Variants in PRKN observed in about 807,000 individuals in gnomAD.
PRKN encodes the protein parkin RBR E3 ubiquitin protein ligase, also known as E3 ubiquitin-protein ligase parkin.
PRKN carries 56 observed loss-of-function variants against 59.5 expected under a neutral mutation model. The observed-to-expected ratio is 0.94, with a 90% CI of 0.76 to 1.18. The LOEUF (loss-of-function observed/expected upper bound fraction) is 1.18. PRKN is among the 50% of genes most tolerant of loss of function. PRKN has a pLI of 0.00. For missense variants in PRKN, 657 were observed against 596.4 expected, an observed-to-expected ratio of 1.10 and a Z score of -1.06; for synonymous variants, 250 against 222.1, an observed-to-expected ratio of 1.13 and a Z score of -1.12.
At chr6:161,603,800 C>T (rs1008263223) in intron 7 of PRKN, among the ~76,000 whole-genome samples, 2 of 152,136 alleles carry the variant, frequency 1.3e-5, no homozygotes, top group Admixed American at 1.3e-4. Flanking sequence ...GCAAATTTGA[C>T]CTGGGTCTTT....
chr6:161,915,968 C>A (rs1778541271), intron 6 of PRKN, among the ~76,000 whole-genome samples: 1 of 151,926 alleles, frequency 6.6e-6, no homozygotes, highest in African/African-American at 2.4e-5. Flanking sequence ...TATGACTAAA[C>A]AACCATTGAT....
chr6:162,284,016 A>G (rs1035788406), intron 2 of PRKN, among the ~76,000 whole-genome samples: 2 of 152,240 alleles, frequency 1.3e-5, no homozygotes, highest in African/African-American at 2.4e-5. Flanking sequence ...ATTTAGCCAA[A>G]AGTAAATAAA....
At position 161,934,052 on chromosome 6, in the gene PRKN, A is replaced by G. The variant is rs774123915; in HGVS notation, c.734+39250T>C. 1.6e-4 allele frequency among the ~76,000 whole-genome samples: 25 copies of G among 152,208 alleles called. 2 individuals carry two copies. The highest frequency in any genetic ancestry group is 8.8e-5 in the Non-Finnish European group (6 of 68,034). On this transcript the variant is annotated intron_variant, in intron 6 of 11. Coordinates refer to ENST00000366898, the MANE Select transcript of PRKN (RefSeq NM_004562.3). ...TTGAATTGTAATCCCTGTAATCCCC[A>G]TAATCCCCAGGTAACGAGAGAGACC...
intron 6 of PRKN, among the ~76,000 whole-genome samples, chr6:161,828,836 G>A (rs1006793301): frequency 3.3e-5 from 5 of 151,880 alleles, no homozygotes; most frequent in South Asian, 2.1e-4. Flanking sequence ...ACGCTGAGGC[G>A]GGAGAATTGC....
At chr6:162,493,989 G>A (rs1399449662) in intron 1 of PRKN, among the ~76,000 whole-genome samples, 1 of 152,152 alleles carries the variant, frequency 6.6e-6, no homozygotes, top group Non-Finnish European at 1.5e-5. Context: ...TCGCATGATG[G>A]ATGATTACAT....
intron 2 of PRKN, among the ~76,000 whole-genome samples, chr6:162,333,577 C>G (rs775264578): frequency 7.7e-4 from 117 of 152,266 alleles, no homozygotes; most frequent in Non-Finnish European, 1.1e-3. Context: ...AAACAGCAAA[C>G]TTATAAATGT....
intron 6 of PRKN, among the ~76,000 whole-genome samples, chr6:161,830,399 C>G (rs1434493587): frequency 1.3e-5 from 2 of 152,010 alleles, no homozygotes; most frequent in Non-Finnish European, 2.9e-5. Flanking sequence ...CTACAGGTGC[C>G]CGCCACCATG....
At chr6:161,366,982 C>CTTTTTTT (rs57164972) in intron 10 of PRKN, among the ~76,000 whole-genome samples, 2 of 91,948 alleles carry the variant, frequency 2.2e-5, no homozygotes, top group African/African-American at 4.3e-5. Flanking sequence ...TTTTTGTTTC[C>CTTTTTTT]TTTTTTTTTT....
Position 161,409,932 on chromosome 6 carries a change from T to C in PRKN, c.1084-23055A>G, listed in dbSNP as rs997904208. ...CTTGCTTTTCAGGTGAGAAGCAGAATTGGAAAATATTTCAGGGAGTATTTG... is the reference window on the plus strand; with the variant it reads ...CTTGCTTTTCAGGTGAGAAGCAGAACTGGAAAATATTTCAGGGAGTATTTG... On this transcript the variant is annotated intron_variant, in intron 9 of 11. Transcript: ENST00000366898. This position sits in a 1 kb window ranked among gnomAD's most constrained non-coding sequence, Gnocchi z 4.6. Among the ~76,000 whole-genome samples the C allele has an allele frequency of 3.3e-5, 5 of 152,286 alleles. No individual in the cohort carries two copies. Among genetic ancestry groups the C allele is most frequent in the South Asian group, 2.1e-4 (1 of 4,818 alleles).
intron 6 of PRKN, among the ~76,000 whole-genome samples, chr6:161,908,458 T>C (rs1562382867): frequency 6.6e-6 from 1 of 152,224 alleles, no homozygotes; most frequent in Non-Finnish European, 1.5e-5. Flanking sequence ...ATATCGACTG[T>C]ATTCTGGATA....
rs146597078 is a variant in PRKN, at chr6:162,424,606, G to C, written c.171+18704C>G. On this transcript the variant is annotated intron_variant, in intron 2 of 11. Transcript: ENST00000366898. ...AAAAAATTAGCCGGGTGTGGTCATG[G>C]GGGCCTGTAATCCCAGTTACTCAGG... 2.9e-4 allele frequency among the ~76,000 whole-genome samples: 44 copies of C among 151,960 alleles called. No homozygotes were observed. The East Asian group carries it at 7.9e-3, about 27-fold the overall frequency.
intron 4 of PRKN, among the ~76,000 whole-genome samples, chr6:162,188,709 T>C (rs571108308): frequency 2.0e-5 from 3 of 151,860 alleles, no homozygotes; most frequent in African/African-American, 7.3e-5. Flanking sequence ...AGGAAAGCCC[T>C]AGGAAGTAAA....
intron 7 of PRKN, among the ~76,000 whole-genome samples, chr6:161,672,736 A>T (rs749200423): frequency 2.0e-5 from 3 of 152,210 alleles, no homozygotes; most frequent in Non-Finnish European, 4.4e-5. Context: ...AGATCACACC[A>T]CTGCACTCCA....
chr6:161,745,345 G>C (rs1030235771), intron 7 of PRKN, among the ~76,000 whole-genome samples: 1 of 152,190 alleles, frequency 6.6e-6, no homozygotes, highest in Non-Finnish European at 1.5e-5. Flanking sequence ...TTCTGAGCAA[G>C]GCTGAAAGCA....
At position 162,727,373 on chromosome 6, in the gene PRKN, G is replaced by A; in HGVS notation, c.7+289C>T. ...GACCCCACACGGTCCGGGGGACCGC[G>A]AACGAGGAGCGGGGGTGCGGGGCCG... On this transcript the variant is annotated intron_variant, in intron 1 of 11. Coordinates refer to ENST00000366898, the MANE Select transcript of PRKN (RefSeq NM_004562.3). 1.6e-5 allele frequency: 7 copies of A among 438,328 alleles called. No homozygotes were observed. The South Asian group carries it at 2.2e-4, about 14-fold the overall frequency. The allele number at this position is 438,328 out of a possible 1,614,324, so 27.2% of individuals were successfully genotyped here. A position where few individuals can be genotyped will look rare whatever the true frequency, so the allele number is the denominator to read the frequency against.
chr6:161,406,125 T>C (rs549216857), intron 9 of PRKN, among the ~76,000 whole-genome samples: 205 of 151,790 alleles, frequency 1.4e-3, no homozygotes, highest in African/African-American at 4.3e-3. Flanking sequence ...TACACATATA[T>C]ACACACACAT....
rs191589451 is a variant in PRKN, at chr6:161,397,104, C to A, written c.1084-10227G>T. On this transcript the variant is annotated intron_variant, in intron 9 of 11. Coordinates refer to ENST00000366898, the MANE Select transcript of PRKN (RefSeq NM_004562.3). The surrounding 1 kb of genome is among the most constrained non-coding windows in gnomAD (Gnocchi z 4.2). Reference sequence around the variant, plus strand: ...GTTTCTTACTCATACCTCTATTAAACTGTTTCACCCTCTATATGAAACTGT... The same window carrying A: ...GTTTCTTACTCATACCTCTATTAAAATGTTTCACCCTCTATATGAAACTGT... Among the ~76,000 whole-genome samples the A allele has an allele frequency of 6.6e-6, 1 of 152,182 alleles. No homozygotes were observed. Among genetic ancestry groups the A allele is most frequent in the Non-Finnish European group, 1.5e-5 (1 of 68,036 alleles).
intron 2 of PRKN, among the ~76,000 whole-genome samples, chr6:162,339,594 A>G (rs1460176610): frequency 1.3e-5 from 2 of 150,910 alleles, no homozygotes; most frequent in African/African-American, 4.9e-5. Context: ...CCTACTGGGA[A>G]GTGAGGAGCC....
At position 161,464,400 on chromosome 6, in the gene PRKN, T is replaced by C. The variant is rs182921175; in HGVS notation, c.1084-77523A>G. 1.9e-4 allele frequency among the ~76,000 whole-genome samples: 29 copies of C among 152,350 alleles called. 1 individual carries two copies. The highest frequency in any genetic ancestry group is 6.3e-4 in the African/African-American group (26 of 41,582). ...AAGTCACATTTCATTCCTGGAAACTTTGAATCTCAGATTTTCTTTTTTAAA... is the reference window on the plus strand; with the variant it reads ...AAGTCACATTTCATTCCTGGAAACTCTGAATCTCAGATTTTCTTTTTTAAA... On this transcript the variant is annotated intron_variant, in intron 9 of 11. Transcript: ENST00000366898.
Sources: gnomAD v4.1 joint callset for allele counts (sites outside exome capture counted in the v4.1 genomes callset) on GRCh38, gnomAD v4.1.1 for gene constraint, Gnocchi (gnomAD v3.1) non-coding constraint, MANE v1.5 for transcripts, NCBI Gene and HGNC (gene_info 2026-07-23, HGNC 2026-07-21) for gene names.